CSGALNACT1: variants seen among roughly 807,000 people sequenced by gnomAD.
CSGALNACT1 encodes the protein beta4GalNAcT-1.
Under a neutral mutation model 51.0 loss-of-function variants are expected in CSGALNACT1, and 52 were observed. The ratio of observed to expected loss-of-function variants is 1.02; its 90% CI spans 0.82 to 1.29. The LOEUF is 1.29. CSGALNACT1 is among the 50% of genes most tolerant of loss of function. The pLI is 0.00. For synonymous variants in CSGALNACT1, 341 were observed against 254.4 expected (o/e 1.34, Z -3.24); for missense variants, 935 against 679.2 (o/e 1.38, Z -4.19).
intron 4 of CSGALNACT1, among the ~76,000 whole-genome samples, chr8:19,475,782 G>T (rs111750985): frequency 6.6e-6 from 1 of 152,152 alleles, no homozygotes; most frequent in Non-Finnish European, 1.5e-5. Context: ...CCTGTGTTGT[G>T]GCAAGTCATA....
intron 1 of CSGALNACT1, among the ~76,000 whole-genome samples, chr8:19,665,898 CA>C (rs1299327813): frequency 6.6e-6 from 1 of 152,226 alleles, no homozygotes; most frequent in African/African-American, 2.4e-5. Flanking sequence ...CCTCCCAGGA[CA>C]AGATCAATGG....
chr8:19,450,967 T>G (rs1448540604), intron 5 of CSGALNACT1, among the ~76,000 whole-genome samples: 1 of 152,076 alleles, frequency 6.6e-6, no homozygotes, highest in Non-Finnish European at 1.5e-5. Flanking sequence ...AGCACATACA[T>G]AGCCCTACAG....
intron 3 of CSGALNACT1, among the ~76,000 whole-genome samples, chr8:19,576,055 G>T (rs541933241): frequency 6.6e-6 from 1 of 152,206 alleles, no homozygotes; most frequent in East Asian, 1.9e-4. Context: ...GCCGAGAGAC[G>T]GGAGTGGGTG....
intron 1 of CSGALNACT1, among the ~76,000 whole-genome samples, chr8:19,707,892 T>G (rs1013272445): frequency 6.6e-6 from 1 of 152,078 alleles, no homozygotes; most frequent in East Asian, 1.9e-4. Context: ...TCCCAGCTAC[T>G]TGGGAGGCTA....
chr8:19,551,194 A>G lies in CSGALNACT1; in HGVS notation c.-297+39966T>C, dbSNP rs1293982381. On this transcript the variant is annotated intron_variant, in intron 3 of 9. Coordinates refer to ENST00000454498, the Ensembl canonical transcript of CSGALNACT1. Reference sequence around the variant, plus strand: ...ATTCCCTTATTTACAACAAAGTCGGATAACAGGCTGACACCAGCTGGAACC... The same window carrying G: ...ATTCCCTTATTTACAACAAAGTCGGGTAACAGGCTGACACCAGCTGGAACC... Among the ~76,000 whole-genome samples, 2 of 152,250 alleles carry G rather than the reference A, an allele frequency of 1.3e-5. 1 individual carries two copies.
intron 5 of CSGALNACT1, among the ~76,000 whole-genome samples, chr8:19,442,975 C>T (rs1161769481): frequency 1.3e-5 from 2 of 152,184 alleles, no homozygotes; most frequent in Non-Finnish European, 2.9e-5. Context: ...CAGATATCAT[C>T]ACCTTCACCA....
At chr8:19,680,194 T>C (rs959586673) in intron 1 of CSGALNACT1, among the ~76,000 whole-genome samples, 15 of 152,066 alleles carry the variant, frequency 9.9e-5, no homozygotes, top group African/African-American at 2.7e-4. Context: ...TCTGCATCCA[T>C]GGACTCAACC....
intron 4 of CSGALNACT1, among the ~76,000 whole-genome samples, chr8:19,496,788 C>T (rs2075555065): frequency 6.6e-6 from 1 of 152,148 alleles, no homozygotes; most frequent in Non-Finnish European, 1.5e-5. Context: ...AGGCTCAGTG[C>T]AGATGAGTAG....
intron 3 of CSGALNACT1, among the ~76,000 whole-genome samples, chr8:19,581,295 T>C (rs1458742547): frequency 1.3e-5 from 2 of 152,220 alleles, no homozygotes; most frequent in Admixed American, 6.5e-5. Context: ...ATAAATAGCA[T>C]ATTCAGGCCT....
intron 1 of CSGALNACT1, among the ~76,000 whole-genome samples, chr8:19,677,375 T>A (rs1452438717): frequency 2.0e-5 from 3 of 152,210 alleles, no homozygotes; most frequent in African/African-American, 7.2e-5. Flanking sequence ...CCTCCCAAAG[T>A]GCTGGGATTA....
intron 4 of CSGALNACT1, among the ~76,000 whole-genome samples, chr8:19,484,394 G>A (rs1308528014): frequency 1.3e-5 from 2 of 152,140 alleles, no homozygotes; most frequent in South Asian, 2.1e-4. Context: ...ACAACTCGAG[G>A]ATAAGGGTAG....
chr8:19,573,034 G>C (rs1385321102), intron 3 of CSGALNACT1, among the ~76,000 whole-genome samples: 2 of 152,084 alleles, frequency 1.3e-5, no homozygotes, highest in African/African-American at 4.8e-5. Flanking sequence ...AATACACAGG[G>C]GACAAAGGAT....
intron 3 of CSGALNACT1, among the ~76,000 whole-genome samples, chr8:19,566,958 C>T (rs909647925): frequency 6.6e-6 from 1 of 152,194 alleles, no homozygotes; most frequent in Non-Finnish European, 1.5e-5. Flanking sequence ...TATGTGGATC[C>T]TGGCTCAGAG....
At chr8:19,731,794 G>A (rs1175998954) in intron 1 of CSGALNACT1, among the ~76,000 whole-genome samples, 2 of 152,154 alleles carry the variant, frequency 1.3e-5, no homozygotes, top group Non-Finnish European at 2.9e-5. Context: ...TCAAGAAACA[G>A]CAGATACTTA....
chr8:19,628,917 C>T (rs1417478817), intron 1 of CSGALNACT1, among the ~76,000 whole-genome samples: 3 of 151,996 alleles, frequency 2.0e-5, no homozygotes, highest in South Asian at 2.1e-4. Context: ...CATGCAAAGG[C>T]CTGGGAAGTG....
intron 7 of CSGALNACT1, among the ~76,000 whole-genome samples, chr8:19,419,950 C>T (rs2057634105): frequency 6.6e-6 from 1 of 152,154 alleles, no homozygotes; most frequent in African/African-American, 2.4e-5. Flanking sequence ...GACAGGTTTT[C>T]CCATGCTGTA....
intron 2 of CSGALNACT1, among the ~76,000 whole-genome samples, chr8:19,593,016 A>G (rs1564184182): frequency 1.3e-5 from 2 of 152,232 alleles, no homozygotes; most frequent in Admixed American, 6.5e-5. Context: ...TAACAGCATC[A>G]TTAAGTCAAA....
At chr8:19,643,191 A>C (rs914467218) in intron 1 of CSGALNACT1, among the ~76,000 whole-genome samples, 1 of 152,232 alleles carries the variant, frequency 6.6e-6, no homozygotes, top group African/African-American at 2.4e-5. Flanking sequence ...AATAAAAATC[A>C]GCAAATTAAA....
At chr8:19,657,400 T>C (rs892661309) in intron 1 of CSGALNACT1, among the ~76,000 whole-genome samples, 1 of 152,118 alleles carries the variant, frequency 6.6e-6, no homozygotes, top group African/African-American at 2.4e-5. Flanking sequence ...TGTGAAGAAA[T>C]AATGGTTGGA....
Sources: allele counts gnomAD v4.1 joint callset (sites outside exome capture counted in the v4.1 genomes callset), GRCh38; gene constraint gnomAD v4.1.1; transcripts MANE v1.5; gene names NCBI Gene and HGNC (gene_info 2026-07-23, HGNC 2026-07-21).